Variants in OPCML observed in about 807,000 individuals in gnomAD.
The protein encoded by OPCML is opioid binding protein/cell adhesion molecule like.
OPCML carries 13 observed loss-of-function variants against 37.8 expected under a neutral mutation model. That is an observed-to-expected ratio of 0.34 (90% CI 0.22 to 0.55). The LOEUF (loss-of-function observed/expected upper bound fraction) is 0.55. Among genes scored for constraint, OPCML ranks in the 20% least tolerant of loss-of-function variants. The pLI, the probability that OPCML is intolerant of heterozygous loss-of-function variation, is 0.91. For missense variants in OPCML, 341 were observed against 435.6 expected (o/e 0.78, Z 1.93); for synonymous variants, 176 against 168.8 (o/e 1.04, Z -0.33).
intron 1 of OPCML, among the ~76,000 whole-genome samples, chr11:133,495,328 C>T (rs768904170): frequency 3.3e-5 from 5 of 152,186 alleles, no homozygotes; most frequent in Non-Finnish European, 7.3e-5. Context: ...GTTGGTTCCA[C>T]GATTTTGCAA....
At chr11:132,986,430 G>A (rs181888208) in intron 1 of OPCML, among the ~76,000 whole-genome samples, 1 of 152,254 alleles carries the variant, frequency 6.6e-6, no homozygotes, top group East Asian at 1.9e-4. Flanking sequence ...TTCAATAATA[G>A]AGTAGGAGAG....
intron 2 of OPCML, among the ~76,000 whole-genome samples, chr11:132,925,984 TTCCCTTGCCA>T (rs1366721669): frequency 1.3e-5 from 2 of 152,174 alleles, no homozygotes; most frequent in African/African-American, 4.8e-5. Flanking sequence ...ATGAACCCTA[TTCCCTTGCCA>T]TCCCTGTCCC....
chr11:133,085,485 A>G (rs914021147), intron 1 of OPCML, among the ~76,000 whole-genome samples: 9 of 152,238 alleles, frequency 5.9e-5, no homozygotes, highest in Admixed American at 5.2e-4. Flanking sequence ...TACCCAGCAC[A>G]TAGAGCAAAA....
At chr11:133,152,406 T>C (rs1288249414) in intron 1 of OPCML, among the ~76,000 whole-genome samples, 1 of 152,196 alleles carries the variant, frequency 6.6e-6, no homozygotes, top group Non-Finnish European at 1.5e-5. Flanking sequence ...GAGTTTCCTT[T>C]AAAGGTTGCT....
intron 3 of OPCML, among the ~76,000 whole-genome samples, chr11:132,634,462 G>C (rs2135703464): frequency 6.6e-6 from 1 of 152,204 alleles, no homozygotes. Flanking sequence ...ATAAAATAAG[G>C]CAAAGGGGGA....
chr11:132,935,433 T>C (rs1400563537), intron 2 of OPCML, among the ~76,000 whole-genome samples: 10 of 152,238 alleles, frequency 6.6e-5, no homozygotes, highest in Non-Finnish European at 1.3e-4. Flanking sequence ...AATTGTCTTC[T>C]GTGGACTAGC....
At chr11:132,922,516 G>C (rs78628762) in intron 2 of OPCML, among the ~76,000 whole-genome samples, 3,089 of 152,086 alleles carry the variant, frequency 0.02, 104 homozygotes, top group African/African-American at 0.061. Flanking sequence ...CCCGAGGAAA[G>C]AGGAGGGCGG....
In OPCML at chr11:133,049,803, C is replaced by T. The variant is rs115252207; in HGVS notation, c.62-106793G>A. Among the ~76,000 whole-genome samples, 506 of 152,312 alleles carry T rather than the reference C, an allele frequency of 3.3e-3. 2 individuals carry two copies. Among genetic ancestry groups the T allele is most frequent in the African/African-American group, 0.011 (472 of 41,562 alleles). Reference sequence around the variant, plus strand: ...TATGTGTCAGCTCAGCTAGGCTGAACGGCAGCCCCCAGAATCCACATTCTA... The same window carrying T: ...TATGTGTCAGCTCAGCTAGGCTGAATGGCAGCCCCCAGAATCCACATTCTA... On this transcript the variant is annotated intron_variant, in intron 1 of 7. Transcript: ENST00000524381.
intron 2 of OPCML, among the ~76,000 whole-genome samples, chr11:132,927,063 C>A (rs746658549): frequency 6.6e-6 from 1 of 151,906 alleles, no homozygotes; most frequent in Non-Finnish European, 1.5e-5. Context: ...AGAAACACCA[C>A]AAAGTAGACC....
intron 1 of OPCML, among the ~76,000 whole-genome samples, chr11:133,487,958 G>A (rs1947565760): frequency 6.6e-6 from 1 of 152,062 alleles, no homozygotes; most frequent in Non-Finnish European, 1.5e-5. Context: ...GGGATGCAAG[G>A]ATGGTTAAAC....
At chr11:133,489,032 A>T (rs1947595142) in intron 1 of OPCML, among the ~76,000 whole-genome samples, 1 of 151,904 alleles carries the variant, frequency 6.6e-6, no homozygotes, top group Non-Finnish European at 1.5e-5. Context: ...ACCCATATGC[A>T]GAAGAATGAA....
intron 1 of OPCML, among the ~76,000 whole-genome samples, chr11:133,474,232 G>A (rs1254276793): frequency 2.0e-5 from 3 of 152,150 alleles, no homozygotes; most frequent in Admixed American, 6.5e-5. Context: ...TGCATGGTAC[G>A]TGCTTCACGC....
At chr11:132,523,940 C>T (rs972327102) in intron 4 of OPCML, among the ~76,000 whole-genome samples, 15 of 152,230 alleles carry the variant, frequency 9.9e-5, no homozygotes, top group African/African-American at 3.4e-4. Context: ...ATGAGCAACT[C>T]ATAGGTGAAG....
chr11:132,536,211 C>T (rs1452486283), intron 3 of OPCML, among the ~76,000 whole-genome samples: 1 of 152,198 alleles, frequency 6.6e-6, no homozygotes, highest in Non-Finnish European at 1.5e-5. Context: ...CAAGGGCAGC[C>T]TTTCCCTCCA....
chr11:132,632,375 T>A (rs1940205887), intron 3 of OPCML, among the ~76,000 whole-genome samples: 1 of 151,476 alleles, frequency 6.6e-6, no homozygotes, highest in Admixed American at 6.6e-5. Context: ...GTTCCTTAAC[T>A]CATTACACCT....
chr11:132,575,008 C>A (rs1193927072), intron 3 of OPCML, among the ~76,000 whole-genome samples: 1 of 151,754 alleles, frequency 6.6e-6, no homozygotes, highest in Non-Finnish European at 1.5e-5. Flanking sequence ...ATGCAAGGTG[C>A]TTCTTGGTCT....
chr11:132,847,749 C>G (rs1186321779), intron 2 of OPCML, among the ~76,000 whole-genome samples: 2 of 152,152 alleles, frequency 1.3e-5, no homozygotes. Context: ...TCTCTTTTTT[C>G]TCTCCTTTTA....
At chr11:132,949,714 T>C (rs182592519) in intron 1 of OPCML, among the ~76,000 whole-genome samples, 3 of 152,234 alleles carry the variant, frequency 2.0e-5, no homozygotes, top group Admixed American at 1.3e-4. Flanking sequence ...TCTGTAAATA[T>C]GTATGACACA....
intron 7 of OPCML, among the ~76,000 whole-genome samples, chr11:132,425,079 G>T (rs547150794): frequency 8.5e-5 from 13 of 152,106 alleles, no homozygotes. Flanking sequence ...ATGGAGACGG[G>T]CCCCAAGCCA....
Sources: allele counts gnomAD v4.1 joint callset (sites outside exome capture counted in the v4.1 genomes callset), GRCh38; gene constraint gnomAD v4.1.1; transcripts MANE v1.5; gene names NCBI Gene and HGNC (gene_info 2026-07-23, HGNC 2026-07-21).